SCG3: variants seen among roughly 807,000 people sequenced by gnomAD.
SCG3 encodes secretogranin III.
In SCG3, 38 loss-of-function variants were observed where a neutral mutation model predicts 56.2. The observed-to-expected ratio is 0.68, with a 90% confidence interval of 0.52 to 0.89. The LOEUF (loss-of-function observed/expected upper bound fraction) is 0.89, where lower values mean the gene tolerates loss of function less well. Ranked by LOEUF, SCG3 falls within the 40% of genes least tolerant of loss-of-function variation. SCG3 has a pLI of 0.00. For synonymous variants in SCG3, 176 were observed against 184.2 expected (o/e 0.96, Z 0.36); for missense variants, 524 against 540.7 (o/e 0.97, Z 0.31).
intron 11 of SCG3, among the ~76,000 whole-genome samples, chr15:51,717,548 G>GAAA (rs57734697): frequency 6.7e-6 from 1 of 149,250 alleles, no homozygotes; most frequent in Non-Finnish European, 1.5e-5. Context: ...AAGAAAAAAA[G>GAAA]AAAAAAAAAG....
intron 10 of SCG3, among the ~76,000 whole-genome samples, chr15:51,709,362 G>T (rs2055396816): frequency 6.6e-6 from 1 of 151,908 alleles, no homozygotes; most frequent in African/African-American, 2.4e-5. Context: ...CTTGGGTGGG[G>T]ACACAGCCCA....
chr15:51,681,667 C>T lies in SCG3; in HGVS notation c.-89C>T, dbSNP rs552954338. ...CCCCACACCCACCCTCCTGGCTCTT[C>T]CTGTTTTTACTCCTCCTTTTCATTC... On this transcript the variant is annotated 5_prime_UTR_variant, in exon 1 of 12. Coordinates refer to ENST00000220478, the MANE Select transcript of SCG3 (RefSeq NM_013243.4). The T allele has an allele frequency of 8.4e-6, 4 of 475,052 alleles. No individual in the cohort carries two copies. Among genetic ancestry groups the T allele is most frequent in the East Asian group, 6.8e-5 (1 of 14,764 alleles). The allele number at this position is 475,052 out of a possible 1,614,324, so 29.4% of individuals were successfully genotyped here. A position where few individuals can be genotyped will look rare whatever the true frequency, so the allele number is the denominator to read the frequency against.
At chr15:51,707,520 A>G (rs1362886330) in intron 10 of SCG3, among the ~76,000 whole-genome samples, 1 of 152,212 alleles carries the variant, frequency 6.6e-6, no homozygotes. Context: ...TTTTTCAAGG[A>G]CAGAAAAGGG....
chr15:51,694,635 G>A (rs2055290076), intron 7 of SCG3, among the ~76,000 whole-genome samples: 2 of 152,158 alleles, frequency 1.3e-5, no homozygotes, highest in Admixed American at 1.3e-4. Flanking sequence ...AATGGAAACA[G>A]ATTTTTTTTT....
intron 7 of SCG3, chr15:51,695,580 G>A (rs1245853013): frequency 2.4e-5 from 5 of 207,494 alleles, no homozygotes; most frequent in Admixed American, 5.9e-5. Context: ...TAAATATAGA[G>A]AAAAATATTT....
At chr15:51,688,976 A>G (rs1201725147) in intron 5 of SCG3, among the ~76,000 whole-genome samples, 1 of 152,148 alleles carries the variant, frequency 6.6e-6, no homozygotes, top group Non-Finnish European at 1.5e-5. Flanking sequence ...TATGTGGTCC[A>G]TGGGTTTCAA....
At chr15:51,709,712 T>TATTTA (rs2055405496) in intron 10 of SCG3, among the ~76,000 whole-genome samples, 1 of 30,690 alleles carries the variant, frequency 3.3e-5, no homozygotes, top group Non-Finnish European at 6.7e-5. Flanking sequence ...TTTTTTTTTT[T>TATTTA]TTTTTTTTTT....
At chr15:51,704,900 A>G (rs2055365335) in intron 10 of SCG3, among the ~76,000 whole-genome samples, 1 of 150,888 alleles carries the variant, frequency 6.6e-6, no homozygotes, top group Non-Finnish European at 1.5e-5. Flanking sequence ...AGGAACCACC[A>G]TACTGTTTTC....
intron 11 of SCG3, chr15:51,715,064 A>G (rs2055445131): frequency 6.6e-6 from 1 of 152,238 alleles, no homozygotes; most frequent in African/African-American, 2.4e-5. Flanking sequence ...TGGTACATCA[A>G]TTTGGAGTAT....
chr15:51,709,459 A>C (rs1417031932), intron 10 of SCG3, among the ~76,000 whole-genome samples: 1 of 151,912 alleles, frequency 6.6e-6, no homozygotes, highest in Non-Finnish European at 1.5e-5. Flanking sequence ...ATAAAATGGG[A>C]ATAATGATAT....
intron 7 of SCG3, among the ~76,000 whole-genome samples, chr15:51,692,862 T>C (rs1471140143): frequency 1.3e-5 from 2 of 149,380 alleles, no homozygotes; most frequent in Admixed American, 1.3e-4. Flanking sequence ...TAACATTTTT[T>C]TCTTTTTTTT....
Position 51,701,223 on chromosome 15 carries a change from GGAAAGACA to G in SCG3, c.1189_1196del (p.Lys397Ter). 6.2e-7 allele frequency: 1 copy of G among 1,603,436 alleles called. No homozygotes were observed. Among genetic ancestry groups the G allele is most frequent in the Non-Finnish European group, 8.5e-7 (1 of 1,176,280 alleles). Reference sequence around the variant, plus strand: ...AAAAGATGATAACTCCAACCCAGGAGGAAAGACAGATGAACCCAAAGGTATGGGATTGA... The same window carrying G: ...AAAAGATGATAACTCCAACCCAGGAGGATGAACCCAAAGGTATGGGATTGA... On this transcript the variant is annotated frameshift_variant, in exon 10 of 12. Coordinates refer to ENST00000220478, the MANE Select transcript of SCG3 (RefSeq NM_013243.4). LOFTEE classifies it high-confidence loss of function.
chr15:51,716,753 TG>T (rs2055458997), intron 11 of SCG3, among the ~76,000 whole-genome samples: 1 of 152,242 alleles, frequency 6.6e-6, no homozygotes, highest in Non-Finnish European at 1.5e-5. Flanking sequence ...GGTTGTCCGC[TG>T]ATTCAATTCA....
At chr15:51,704,296 A>G (rs1326214448) in intron 10 of SCG3, among the ~76,000 whole-genome samples, 1 of 125,674 alleles carries the variant, frequency 8.0e-6, no homozygotes, top group African/African-American at 2.9e-5. Context: ...CTCTTTTTTG[A>G]AATTGTGGTA....
chr15:51,701,065 T>A, intron 9 of SCG3, 42 bp from the exon 10 acceptor site: 1 of 1,604,674 alleles, frequency 6.2e-7, no homozygotes, highest in Non-Finnish European at 8.5e-7. Context: ...AATTAATAGA[T>A]AGGAAACAGG....
Position 51,681,676 on chromosome 15 carries a change from ACTC to A in SCG3, c.-74_-72del. The A allele has an allele frequency of 2.1e-6, 1 of 476,712 alleles. No homozygotes were observed. Among genetic ancestry groups the A allele is most frequent in the Non-Finnish European group, 4.2e-6 (1 of 238,572 alleles). The allele number at this position is 476,712 out of a possible 1,614,324, so 29.5% of individuals were successfully genotyped here. On this transcript the variant is annotated 5_prime_UTR_variant, in exon 1 of 12. Transcript: ENST00000220478. ...CACCCTCCTGGCTCTTCCTGTTTTT[ACTC>A]CTCCTTTTCATTCATAACAAAAGCT...
chr15:51,704,599 T>C (rs1403674724), intron 10 of SCG3, among the ~76,000 whole-genome samples: 1 of 150,928 alleles, frequency 6.6e-6, no homozygotes, highest in African/African-American at 2.4e-5. Flanking sequence ...TTACGTAACT[T>C]AGCATCATGT....
chr15:51,692,175 T>A lies in SCG3; in HGVS notation c.707T>A (p.Ile236Asn). The A allele has an allele frequency of 1.2e-6, 2 of 1,610,870 alleles. No individual in the cohort carries two copies. The highest frequency in any genetic ancestry group is 1.7e-6 in the Non-Finnish European group (2 of 1,178,656). Residue 236 changes from isoleucine to asparagine, a missense_variant, in exon 7 of 12, where the codon ATT becomes AAT. Coordinates refer to ENST00000220478, the MANE Select transcript of SCG3 (RefSeq NM_013243.4). The part of the protein sequence containing the change: ...IPEKVTPMAA[I>N]QDGLAKGEND... ...CCACTGGAGACTCCAATGGCAGCAA[T>A]TCAAGATGGTCTTGCTAAGGGAGAA...
At position 51,701,113 on chromosome 15, in the gene SCG3, C is replaced by T. The variant is rs373126465; in HGVS notation, c.1076C>T (p.Ser359Leu). The T allele has an allele frequency of 1.8e-5, 29 of 1,613,636 alleles. No homozygotes were observed. The highest frequency in any genetic ancestry group is 2.4e-5 in the Non-Finnish European group (28 of 1,179,954). Residue 359 changes from serine to leucine, a missense_variant, in exon 10 of 12, where the codon TCA (serine) becomes TTA (leucine). Ser to Leu is a moderately radical substitution (Grantham distance 145). Transcript: ENST00000220478. ...DNISKLFPAPSEKSHEETDST... is the reference protein window; with the variant it reads ...DNISKLFPAPLEKSHEETDST... ...ATGCTCAATCTGATTACAGCACCAT[C>T]AGAGAAGAGTCATGAAGAAACAGAC... is the stretch of plus-strand genomic sequence containing the variant.
Sources: gnomAD v4.1 joint callset for allele counts (sites outside exome capture counted in the v4.1 genomes callset) on GRCh38, gnomAD v4.1.1 for gene constraint, MANE v1.5 for transcripts, NCBI Gene and HGNC (gene_info 2026-07-23, HGNC 2026-07-21) for gene names.